Variants in CENPP observed in about 807,000 individuals in gnomAD.
CENPP encodes the protein centromere protein P.
A neutral mutation model predicts 35.6 loss-of-function variants in CENPP; 24 were observed. The observed-to-expected ratio is 0.67, with a 90% CI of 0.49 to 0.95. The LOEUF is 0.95. Among genes scored for constraint, CENPP ranks in the 40% least tolerant of loss-of-function variants. The pLI, the probability that CENPP is intolerant of heterozygous loss-of-function variation, is 0.00. For missense variants in CENPP, 332 were observed against 345.3 expected (o/e 0.96, Z 0.31); for synonymous variants, 120 against 125.5 (o/e 0.96, Z 0.29).
chr9:92,583,234 T>A, intron 5 of CENPP, among the ~76,000 whole-genome samples: 1 of 152,116 alleles, frequency 6.6e-6, no homozygotes, highest in East Asian at 1.9e-4. Context: ...TAGTATAGAG[T>A]TAAACATATT....
chr9:92,397,152 G>T (rs1842923971), intron 5 of CENPP, among the ~76,000 whole-genome samples: 1 of 152,004 alleles, frequency 6.6e-6, no homozygotes, highest in South Asian at 2.1e-4. Flanking sequence ...ACTCCAGCAT[G>T]GGTAATAGAG....
intron 5 of CENPP, among the ~76,000 whole-genome samples, chr9:92,573,684 C>A (rs1850207624): frequency 6.6e-6 from 1 of 152,210 alleles, no homozygotes; most frequent in Admixed American, 6.5e-5. Context: ...TTCAGCTATG[C>A]CCTGCCCCGA....
At chr9:92,400,822 G>C (rs1019857230) in intron 5 of CENPP, among the ~76,000 whole-genome samples, 1 of 152,156 alleles carries the variant, frequency 6.6e-6, no homozygotes, top group Non-Finnish European at 1.5e-5. Context: ...AGTATTTCTC[G>C]AATAGATTTT....
chr9:92,351,256 T>A (rs1442430472), intron 4 of CENPP, among the ~76,000 whole-genome samples: 1 of 152,076 alleles, frequency 6.6e-6, no homozygotes, highest in Admixed American at 6.6e-5. Context: ...TTTGGGAGGC[T>A]GAGGCGGGTG....
intron 5 of CENPP, among the ~76,000 whole-genome samples, chr9:92,524,428 GAC>G (rs1417113769): frequency 2.6e-5 from 4 of 152,200 alleles, no homozygotes; most frequent in African/African-American, 9.6e-5. Context: ...GGTGGCCAGG[GAC>G]AAGAGAAACC....
chr9:92,350,746 A>C (rs1486210988), intron 4 of CENPP, among the ~76,000 whole-genome samples: 2 of 152,232 alleles, frequency 1.3e-5, no homozygotes, highest in African/African-American at 4.8e-5. Context: ...TTAACACATA[A>C]TCTCCAGTGT....
At chr9:92,556,276 T>A (rs1004455926) in intron 5 of CENPP, among the ~76,000 whole-genome samples, 10 of 152,366 alleles carry the variant, frequency 6.6e-5, no homozygotes, top group African/African-American at 1.4e-4. Context: ...TCAATTTTTT[T>A]AAATTTATTG....
intron 5 of CENPP, among the ~76,000 whole-genome samples, chr9:92,585,765 C>G (rs1419343967): frequency 6.6e-6 from 1 of 152,152 alleles, no homozygotes; most frequent in Non-Finnish European, 1.5e-5. Flanking sequence ...AGGAGAAGGC[C>G]TATGAATTCC....
intron 5 of CENPP, among the ~76,000 whole-genome samples, chr9:92,424,671 A>C (rs1478343212): frequency 2.0e-5 from 3 of 152,154 alleles, no homozygotes; most frequent in African/African-American, 7.2e-5. Flanking sequence ...GGTGGAACTC[A>C]AAATTTCTTT....
chr9:92,460,056 CTTT>C (rs869237016), intron 5 of CENPP, among the ~76,000 whole-genome samples: 6 of 109,548 alleles, frequency 5.5e-5, no homozygotes, highest in Admixed American at 1.9e-4. Flanking sequence ...AACGGTGGTT[CTTT>C]TTTTTTTTTT....
At chr9:92,331,294 C>A (rs1179470836) in intron 1 of CENPP, among the ~76,000 whole-genome samples, 1 of 152,176 alleles carries the variant, frequency 6.6e-6, no homozygotes, top group African/African-American at 2.4e-5. Context: ...CATTCTCCTG[C>A]CTCAGCCTCC....
At chr9:92,518,951 G>T (rs1294282355) in intron 5 of CENPP, among the ~76,000 whole-genome samples, 1 of 152,136 alleles carries the variant, frequency 6.6e-6, no homozygotes, top group African/African-American at 2.4e-5. Context: ...CTACATACAA[G>T]ATTGTAGATA....
At chr9:92,412,975 C>G (rs998757553) in intron 5 of CENPP, among the ~76,000 whole-genome samples, 52 of 45,264 alleles carry the variant, frequency 1.1e-3, no homozygotes, top group Non-Finnish European at 1.7e-3. Context: ...TGTAACTAAG[C>G]TTTTTTTTTT....
chr9:92,551,858 T>TAA (rs1849593861), intron 5 of CENPP, among the ~76,000 whole-genome samples: 1 of 149,986 alleles, frequency 6.7e-6, no homozygotes, highest in Admixed American at 6.7e-5. Context: ...TATATATATA[T>TAA]AATGGAATAC....
At chr9:92,428,544 G>A (rs1056828986) in intron 5 of CENPP, among the ~76,000 whole-genome samples, 4 of 152,108 alleles carry the variant, frequency 2.6e-5, no homozygotes, top group Non-Finnish European at 5.9e-5. Flanking sequence ...CTACACCCAA[G>A]TATCTTTTTG....
intron 5 of CENPP, among the ~76,000 whole-genome samples, chr9:92,582,032 G>GTTTTGTTTTGTT (rs960591126): frequency 8.6e-6 from 1 of 115,686 alleles, no homozygotes; most frequent in African/African-American, 2.8e-5. Context: ...ACTTGGTGGT[G>GTTTTGTTTTGTT]TTTTGTTTTG....
At chr9:92,544,590 A>G (rs928985487) in intron 5 of CENPP, among the ~76,000 whole-genome samples, 5 of 151,908 alleles carry the variant, frequency 3.3e-5, no homozygotes, top group African/African-American at 1.2e-4. Context: ...CAAATATTCT[A>G]CATTCCAAAG....
intron 5 of CENPP, chr9:92,389,689 T>C (rs1431117470): frequency 5.5e-6 from 3 of 549,910 alleles, no homozygotes; most frequent in Admixed American, 6.9e-5. Flanking sequence ...TAAGCTAGGC[T>C]GAATGAGCCT....
At chr9:92,521,426 G>A (rs72754434) in intron 5 of CENPP, among the ~76,000 whole-genome samples, 1 of 151,902 alleles carries the variant, frequency 6.6e-6, no homozygotes, top group Non-Finnish European at 1.5e-5. Flanking sequence ...CAATCATGTT[G>A]TAAGTGTGGC....
Sources: gnomAD v4.1 joint callset for allele counts (sites outside exome capture counted in the v4.1 genomes callset) on GRCh38, gnomAD v4.1.1 for gene constraint, MANE v1.5 for transcripts, NCBI Gene and HGNC (gene_info 2026-07-23, HGNC 2026-07-21) for gene names.